Variants in BCL2L13 observed in about 807,000 individuals in gnomAD.
The protein encoded by BCL2L13 is BCL2 like 13, also known as bcl-2-like protein 13.
A neutral mutation model predicts 25.8 loss-of-function variants in BCL2L13; 13 were observed. The ratio of observed to expected loss-of-function variants is 0.50; its 90% CI spans 0.33 to 0.80. The LOEUF is 0.80. Ranked by LOEUF, BCL2L13 falls within the 30% of genes least tolerant of loss-of-function variation. The pLI is 0.02. For missense variants in BCL2L13, 504 were observed against 574.9 expected (o/e 0.88, Z 1.26); for synonymous variants, 244 against 230.3 (o/e 1.06, Z -0.54).
chr22:17,673,558 T>C (rs1353801789), intron 2 of BCL2L13, among the ~76,000 whole-genome samples: 2 of 149,918 alleles, frequency 1.3e-5, no homozygotes, highest in Non-Finnish European at 3.0e-5. Context: ...TTTGTATTTT[T>C]AGTAGAGATG....
intron 2 of BCL2L13, among the ~76,000 whole-genome samples, chr22:17,675,402 CG>C: frequency 6.6e-6 from 1 of 152,138 alleles, no homozygotes; most frequent in South Asian, 2.1e-4. Flanking sequence ...AAGTCTAAAA[CG>C]TGTAGGTGTT....
chr22:17,640,291 G>A (rs1017362145), intron 1 of BCL2L13, among the ~76,000 whole-genome samples: 2 of 152,164 alleles, frequency 1.3e-5, no homozygotes, highest in Non-Finnish European at 2.9e-5. Flanking sequence ...ACTAGGAATG[G>A]TCAGGTACTG....
chr22:17,668,466 C>G (rs1312704819), intron 2 of BCL2L13, among the ~76,000 whole-genome samples: 2 of 119,124 alleles, frequency 1.7e-5, no homozygotes, highest in Non-Finnish European at 1.8e-5. Flanking sequence ...TTTTTTTTTT[C>G]TCCTGAGATG....
At chr22:17,663,622 T>C (rs2587101) in intron 2 of BCL2L13, among the ~76,000 whole-genome samples, 127,984 of 150,614 alleles carry the variant, frequency 0.85, 54,504 homozygotes, top group East Asian at 0.94. Flanking sequence ...ATGTTCTATA[T>C]TTCATCTTCC....
intron 2 of BCL2L13, among the ~76,000 whole-genome samples, chr22:17,662,742 C>G (rs777493703): frequency 4.0e-5 from 6 of 151,890 alleles, no homozygotes; most frequent in Non-Finnish European, 7.4e-5. Flanking sequence ...TTACTTGAGC[C>G]CAGTCTGCTG....
At chr22:17,716,597 G>C (rs1195266735) in intron 6 of BCL2L13, among the ~76,000 whole-genome samples, 1 of 152,140 alleles carries the variant, frequency 6.6e-6, no homozygotes, top group East Asian at 1.9e-4. Context: ...TCACTGTGCT[G>C]TAGCCTTTCA....
chr22:17,631,357 A>G lies in BCL2L13; in HGVS notation c.-650+2352A>G, dbSNP rs767932757. Among the ~76,000 whole-genome samples, 10 of 151,862 alleles carry G rather than the reference A, an allele frequency of 6.6e-5. No individual in the cohort carries two copies. The East Asian group carries it at 1.9e-3, about 29-fold the overall frequency. Reference sequence around the variant, plus strand: ...GATGATCTGCCTGCCTTGGCATCCCAAAGTGCTGGGATGACAGGTGTGAGC... The same window carrying G: ...GATGATCTGCCTGCCTTGGCATCCCGAAGTGCTGGGATGACAGGTGTGAGC... On this transcript the variant is annotated intron_variant, in intron 1 of 6. Transcript: ENST00000399782.
chr22:17,673,449 G>C (rs2059479765), intron 2 of BCL2L13, among the ~76,000 whole-genome samples: 1 of 148,578 alleles, frequency 6.7e-6, no homozygotes, highest in Admixed American at 6.8e-5. Flanking sequence ...CTCACTGCAA[G>C]CTCTGCCTCC....
chr22:17,700,152 G>C (rs779024615), intron 5 of BCL2L13, among the ~76,000 whole-genome samples: 5 of 152,098 alleles, frequency 3.3e-5, no homozygotes, highest in Non-Finnish European at 7.4e-5. Flanking sequence ...GAAAGATACT[G>C]GAATAGGGAA....
chr22:17,689,105 G>C lies in BCL2L13; in HGVS notation c.349G>C (p.Glu117Gln). 6.2e-7 allele frequency: 1 copy of C among 1,614,146 alleles called. No individual in the cohort carries two copies. Among genetic ancestry groups the C allele is most frequent in the South Asian group, 1.1e-5 (1 of 91,082 alleles). ...LGEKVSQELK[E>Q]PLHKALQMLL... ...AGAAAAAGTGTCCCAGGAACTGAAAGAGCCTCTCCATAAAGCATTGCAAAT... is the reference window on the plus strand; with the variant it reads ...AGAAAAAGTGTCCCAGGAACTGAAACAGCCTCTCCATAAAGCATTGCAAAT... The change falls in exon 4 of 7, where the codon GAG (glutamate) becomes CAG (glutamine). Residue 117 changes from glutamate to glutamine, a missense_variant. Glu to Gln is a conservative substitution (Grantham distance 29). Coordinates refer to ENST00000317582, the MANE Select transcript of BCL2L13 (RefSeq NM_015367.4).
chr22:17,646,227 G>A lies in BCL2L13; in HGVS notation c.-51+7341G>A, dbSNP rs142485855. Among the ~76,000 whole-genome samples the A allele has an allele frequency of 1.9e-3, 281 of 151,518 alleles. 16 individuals are homozygous for A. The highest frequency in any genetic ancestry group is 6.3e-3 in the African/African-American group (258 of 40,870). Reference sequence around the variant, plus strand: ...CATATTATGTTTAATAGTTTGAATCGTACAAATTATAGCAGGTTTTTTGTT... The same window carrying A: ...CATATTATGTTTAATAGTTTGAATCATACAAATTATAGCAGGTTTTTTGTT... On this transcript the variant is annotated intron_variant, in intron 1 of 6. Coordinates refer to ENST00000317582, the MANE Select transcript of BCL2L13 (RefSeq NM_015367.4).
At position 17,644,616 on chromosome 22, in the gene BCL2L13, C is replaced by A. The variant is rs971854488; in HGVS notation, c.-51+5730C>A. 4.0e-4 allele frequency among the ~76,000 whole-genome samples: 60 copies of A among 151,324 alleles called. 1 individual carries two copies. The highest frequency in any genetic ancestry group is 3.8e-3 in the Admixed American group (58 of 15,226). ...AAGTGCTGGGATTATAGGTATGAGCCACCACGCCCGACTGCATTTAATAAT... is the reference window on the plus strand; with the variant it reads ...AAGTGCTGGGATTATAGGTATGAGCAACCACGCCCGACTGCATTTAATAAT... On this transcript the variant is annotated intron_variant, in intron 1 of 6. Transcript: ENST00000317582.
chr22:17,678,263 A>G lies in BCL2L13; in HGVS notation c.122-4951A>G, dbSNP rs138447067. Among the ~76,000 whole-genome samples the G allele has an allele frequency of 5.7e-4, 86 of 152,084 alleles. 1 individual carries two copies. The East Asian group carries it at 0.015, about 27-fold the overall frequency. On this transcript the variant is annotated intron_variant, in intron 2 of 6. Coordinates refer to ENST00000317582, the MANE Select transcript of BCL2L13 (RefSeq NM_015367.4). The stretch of plus-strand genomic sequence containing the variant: ...GTTCTTGAACTCCTAAACTTAAACA[A>G]TCCTTCTGCCTCGGCCTCCCAAAGT...
intron 2 of BCL2L13, among the ~76,000 whole-genome samples, chr22:17,656,309 A>G (rs996635197): frequency 1.3e-5 from 2 of 148,892 alleles, no homozygotes; most frequent in East Asian, 1.9e-4. Context: ...GAAGCAAAAA[A>G]CAAAAGTATT....
In BCL2L13 at chr22:17,695,748, A is replaced by AT. The variant is rs760346792; in HGVS notation, c.387-387dup. 94 of 155,878 alleles carry AT rather than the reference A, an allele frequency of 6.0e-4. 1 individual carries two copies. The highest frequency in any genetic ancestry group is 1.2e-3 in the Non-Finnish European group (86 of 70,552). The allele number at this position is 155,878 out of a possible 1,614,324, so 9.7% of individuals were successfully genotyped here. A position where few individuals can be genotyped will look rare whatever the true frequency, so the allele number is the denominator to read the frequency against. Reference sequence around the variant, plus strand: ...TCTCTTTAGTTTTAAAATATTTTAGATTTTTTACCTTTAAAAAAAGTTAAA... The same window carrying AT: ...TCTCTTTAGTTTTAAAATATTTTAGATTTTTTTACCTTTAAAAAAAGTTAAA... On this transcript the variant is annotated intron_variant, in intron 4 of 6. Coordinates refer to ENST00000317582, the MANE Select transcript of BCL2L13 (RefSeq NM_015367.4).
intron 2 of BCL2L13, among the ~76,000 whole-genome samples, chr22:17,674,126 A>G (rs933948948): frequency 6.6e-6 from 1 of 152,240 alleles, no homozygotes; most frequent in Admixed American, 6.5e-5. Flanking sequence ...TTTGTGACAC[A>G]GACTAAATGT....
chr22:17,639,886 C>G (rs568423414), intron 1 of BCL2L13, among the ~76,000 whole-genome samples: 23 of 151,328 alleles, frequency 1.5e-4, no homozygotes, highest in African/African-American at 4.9e-4. Flanking sequence ...CAGAGTTTCC[C>G]TCTTGTTGCC....
At chr22:17,712,311 G>T (rs771970777) in intron 6 of BCL2L13, among the ~76,000 whole-genome samples, 5 of 152,194 alleles carry the variant, frequency 3.3e-5, no homozygotes, top group Non-Finnish European at 7.3e-5. Flanking sequence ...CCTCCACAAT[G>T]CCTCATCACT....
chr22:17,697,550 A>G (rs2060300827), intron 5 of BCL2L13, among the ~76,000 whole-genome samples: 1 of 152,234 alleles, frequency 6.6e-6, no homozygotes, highest in African/African-American at 2.4e-5. Flanking sequence ...ATGGGAAACA[A>G]TAATACTAGT....
Sources: allele counts gnomAD v4.1 joint callset (sites outside exome capture counted in the v4.1 genomes callset), GRCh38; gene constraint gnomAD v4.1.1; transcripts MANE v1.5; gene names NCBI Gene and HGNC (gene_info 2026-07-23, HGNC 2026-07-21).